Variants in CCDC171 observed in about 807,000 individuals in gnomAD.
CCDC171 encodes the protein coiled-coil domain containing 171, also known as coiled-coil domain-containing protein 171.
In CCDC171, 177 loss-of-function variants were observed where a neutral mutation model predicts 168.2. The observed-to-expected ratio is 1.05, with a 90% CI of 0.93 to 1.19. The LOEUF is 1.19. Ranked by LOEUF, CCDC171 falls within the 50% of genes most tolerant of loss-of-function variation. The pLI is 0.00. For missense variants in CCDC171, 1,991 were observed against 1,539.0 expected (o/e 1.29, Z -4.91); for synonymous variants, 687 against 540.8 (o/e 1.27, Z -3.75).
chr9:15,968,720 G>A (rs1376363649), intron 25 of CCDC171, among the ~76,000 whole-genome samples: 1 of 151,824 alleles, frequency 6.6e-6, no homozygotes, highest in Non-Finnish European at 1.5e-5. Context: ...TATATTTTTA[G>A]CAGAGACGAG....
At chr9:15,925,223 G>A (rs550104951) in intron 25 of CCDC171, among the ~76,000 whole-genome samples, 1 of 151,638 alleles carries the variant, frequency 6.6e-6, no homozygotes, top group African/African-American at 2.4e-5. Context: ...TAAACAATGG[G>A]GCTGTCCTAG....
At position 15,724,690 on chromosome 9, in the gene CCDC171, A is replaced by G. The variant is rs560718514; in HGVS notation, c.1492-86A>G. 1,035 of 765,086 alleles carry G rather than the reference A, an allele frequency of 1.4e-3. 2 individuals are homozygous for G. The highest frequency in any genetic ancestry group is 3.2e-3 in the Middle Eastern group (8 of 2,534). 47.4% of individuals were successfully genotyped at this position (765,086 alleles called of 1,614,324 possible). ...ATTCTTTCATTTTAAAGCTTTGAAAATGTTCAATATGTGTTTTATACTAGT... is the reference window on the plus strand; with the variant it reads ...ATTCTTTCATTTTAAAGCTTTGAAAGTGTTCAATATGTGTTTTATACTAGT... On this transcript the variant is annotated intron_variant, in intron 13 of 25. Transcript: ENST00000380701.
chr9:16,004,927 A>G (rs944315791), intron 3 of CCDC171, among the ~76,000 whole-genome samples: 3 of 152,208 alleles, frequency 2.0e-5, no homozygotes, highest in Non-Finnish European at 2.9e-5. Flanking sequence ...CATCTAAAGT[A>G]GAAGGTAAAC....
chr9:15,956,243 C>G (rs1397072704), intron 25 of CCDC171, among the ~76,000 whole-genome samples: 2 of 152,194 alleles, frequency 1.3e-5, no homozygotes, highest in Non-Finnish European at 1.5e-5. Flanking sequence ...AAGTTATGGT[C>G]TAACTGTGCT....
intron 25 of CCDC171, among the ~76,000 whole-genome samples, chr9:15,952,381 A>G (rs1829295729): frequency 6.6e-6 from 1 of 152,014 alleles, no homozygotes; most frequent in African/African-American, 2.4e-5. Flanking sequence ...GAGATTATAT[A>G]TGAGTTTTAA....
At chr9:15,712,800 T>A (rs2052771563) in intron 11 of CCDC171, among the ~76,000 whole-genome samples, 1 of 152,212 alleles carries the variant, frequency 6.6e-6, no homozygotes, top group Non-Finnish European at 1.5e-5. Context: ...TGTAACCCAA[T>A]CAGCCTTGGT....
intron 23 of CCDC171, among the ~76,000 whole-genome samples, chr9:15,863,316 C>G (rs2061637843): frequency 6.6e-6 from 1 of 151,848 alleles, no homozygotes; most frequent in Non-Finnish European, 1.5e-5. Flanking sequence ...TTCTTGTTGC[C>G]CAGGTTGCAG....
intron 21 of CCDC171, among the ~76,000 whole-genome samples, chr9:15,785,085 G>A (rs963783167): frequency 9.9e-5 from 15 of 151,976 alleles, no homozygotes; most frequent in African/African-American, 3.6e-4. Context: ...GAAGGTTTTG[G>A]TCTGGGTCTG....
chr9:15,644,666 C>G (rs2046896630), intron 7 of CCDC171, among the ~76,000 whole-genome samples: 1 of 152,216 alleles, frequency 6.6e-6, no homozygotes, highest in South Asian at 2.1e-4. Context: ...GTCTGAGATC[C>G]AACTGCAAGG....
intron 21 of CCDC171, among the ~76,000 whole-genome samples, chr9:15,806,162 A>C (rs1194878041): frequency 6.6e-6 from 1 of 152,026 alleles, no homozygotes; most frequent in Non-Finnish European, 1.5e-5. Context: ...AAGACAGCAT[A>C]CCGATGGGTC....
intron 16 of CCDC171, among the ~76,000 whole-genome samples, chr9:15,734,654 A>G (rs2054370885): frequency 6.6e-6 from 1 of 152,176 alleles, no homozygotes; most frequent in Admixed American, 6.5e-5. Flanking sequence ...TTATTTTGGT[A>G]TTATGTTTGA....
At chr9:15,656,393 C>G (rs1440099843) in intron 7 of CCDC171, among the ~76,000 whole-genome samples, 1 of 152,000 alleles carries the variant, frequency 6.6e-6, no homozygotes, top group African/African-American at 2.4e-5. Context: ...CTATTTACCC[C>G]AGAGAAATGA....
At chr9:15,714,499 T>C (rs1012083513) in intron 11 of CCDC171, among the ~76,000 whole-genome samples, 1 of 152,206 alleles carries the variant, frequency 6.6e-6, no homozygotes, top group Non-Finnish European at 1.5e-5. Flanking sequence ...CTACCCTGAC[T>C]ACAGAAACCA....
chr9:16,100,650 T>A, the CCDC171 span, among the ~76,000 whole-genome samples: 19 of 152,272 alleles, frequency 1.2e-4, no homozygotes, highest in African/African-American at 4.6e-4. Context: ...GGGCCTGGCC[T>A]GGTAAAATGT....
intron 9 of CCDC171, among the ~76,000 whole-genome samples, chr9:15,674,063 C>G (rs892258839): frequency 6.6e-6 from 1 of 152,206 alleles, no homozygotes; most frequent in East Asian, 1.9e-4. Flanking sequence ...CAACTTCTTT[C>G]TGGTTTAGTC....
chr9:15,553,601 G>C (rs145739115), intron 1 of CCDC171: 3 of 152,320 alleles, frequency 2.0e-5, no homozygotes, highest in Admixed American at 2.0e-4. Flanking sequence ...TCGTTCCCGA[G>C]AATCAGTAAG....
intron 18 of CCDC171, among the ~76,000 whole-genome samples, chr9:15,764,792 C>T (rs1032609690): frequency 6.6e-6 from 1 of 151,982 alleles, no homozygotes; most frequent in African/African-American, 2.4e-5. Flanking sequence ...TGATTTTAAC[C>T]CTGGTTGTAC....
At chr9:15,965,802 T>G (rs555993315) in intron 25 of CCDC171, among the ~76,000 whole-genome samples, 1 of 152,226 alleles carries the variant, frequency 6.6e-6, no homozygotes, top group Non-Finnish European at 1.5e-5. Flanking sequence ...TCACACAGGT[T>G]AAGTAACTTG....
intron 21 of CCDC171, among the ~76,000 whole-genome samples, chr9:15,839,966 T>C (rs963200098): frequency 7.4e-6 from 1 of 135,318 alleles, no homozygotes; most frequent in Non-Finnish European, 1.7e-5. Flanking sequence ...ATTTTAAATT[T>C]GACCTTCAAA....
Sources: allele counts gnomAD v4.1 joint callset (sites outside exome capture counted in the v4.1 genomes callset), GRCh38; gene constraint gnomAD v4.1.1; transcripts MANE v1.5; gene names NCBI Gene and HGNC (gene_info 2026-07-23, HGNC 2026-07-21).